Variants in HDGF observed in about 807,000 individuals in gnomAD.
HDGF encodes the protein heparin binding growth factor, also known as hepatoma-derived growth factor.
Under a neutral mutation model 30.0 loss-of-function variants are expected in HDGF, and 5 were observed. The ratio of observed to expected loss-of-function variants is 0.17; its 90% confidence interval spans 0.09 to 0.35. The LOEUF is 0.35. HDGF is among the 10% of genes least tolerant of loss of function. HDGF has a pLI of 1.00. For synonymous variants in HDGF, 133 were observed against 112.7 expected (o/e 1.18, Z -1.14); for missense variants, 214 against 302.8 (o/e 0.71, Z 2.18).
At chr1:156,754,394 C>G (rs764308238), upstream of HDGF, among the ~76,000 whole-genome samples, 2 of 152,212 alleles carry the variant, frequency 1.3e-5, no homozygotes, top group African/African-American at 4.8e-5. Context: ...CATGCAGATG[C>G]TGGTTGCAAT....
upstream of HDGF, among the ~76,000 whole-genome samples, chr1:156,757,245 A>G (rs888211273): frequency 8.8e-5 from 13 of 148,334 alleles, no homozygotes; most frequent in African/African-American, 3.0e-4. Flanking sequence ...GTAGGCGATC[A>G]TGAGGTCAGA....
At position 156,743,704 on chromosome 1, in the gene HDGF, C is replaced by T; in HGVS notation, c.664G>A (p.Glu222Lys). 1.2e-6 allele frequency: 2 copies of T among 1,609,516 alleles called. No individual in the cohort carries two copies. Among genetic ancestry groups the T allele is most frequent in the South Asian group, 1.1e-5 (1 of 90,480 alleles). Reference protein sequence around the residue: ...QEEEEEEDEEEEATKEDAEAP... With the variant: ...QEEEEEEDEEKEATKEDAEAP... ...TCAGCATCTTCCTTGGTAGCCTCTTCCTCTTCATCCTCCTCCTCTTCTTCC... is the reference window on the plus strand; with the variant it reads ...TCAGCATCTTCCTTGGTAGCCTCTTTCTCTTCATCCTCCTCCTCTTCTTCC... The change falls in exon 5 of 6, where the codon GAA (glutamate) becomes AAA (lysine). Residue 222 changes from glutamate to lysine, a missense_variant. By Grantham distance (56) the Glu-to-Lys change is moderately conservative. This residue lies in a region of HDGF where 176 missense variants were observed against 211.7 expected (regional missense o/e 0.83). Coordinates refer to ENST00000357325, the MANE Select transcript of HDGF (RefSeq NM_004494.3).
intron 1 of HDGF, among the ~76,000 whole-genome samples, chr1:156,765,154 G>A (rs756551594): frequency 1.3e-5 from 2 of 148,590 alleles, no homozygotes; most frequent in Non-Finnish European, 3.0e-5. Context: ...GTGCAATGGC[G>A]TGATCTTGGC....
intron 1 of HDGF, among the ~76,000 whole-genome samples, chr1:156,759,472 C>G (rs1651207429): frequency 2.7e-5 from 4 of 150,938 alleles, no homozygotes; most frequent in Non-Finnish European, 1.5e-5. Flanking sequence ...CCATCTCATA[C>G]CCCATTCTTT....
At chr1:156,748,153 C>T (rs1327908912) in intron 1 of HDGF, among the ~76,000 whole-genome samples, 2 of 152,176 alleles carry the variant, frequency 1.3e-5, no homozygotes. Context: ...AGAGTATAGG[C>T]ACTTGTGGGG....
At chr1:156,757,667 A>G (rs940172629) in intron 2 of HDGF, among the ~76,000 whole-genome samples, 3 of 149,834 alleles carry the variant, frequency 2.0e-5, no homozygotes, top group Non-Finnish European at 4.5e-5. Context: ...GTTGAGCACA[A>G]CTGTAGTCCC....
upstream of HDGF, among the ~76,000 whole-genome samples, chr1:156,767,151 C>G (rs1052137921): frequency 1.3e-5 from 2 of 152,214 alleles, no homozygotes; most frequent in African/African-American, 4.8e-5. Flanking sequence ...CCCAGACTCC[C>G]TTTCGTTCCC....
At chr1:156,765,543 C>T (rs1280754582) in intron 1 of HDGF, among the ~76,000 whole-genome samples, 1 of 119,962 alleles carries the variant, frequency 8.3e-6, no homozygotes, top group African/African-American at 3.2e-5. Flanking sequence ...GGCGTGATCT[C>T]GGCTTACTGC....
chr1:156,743,256 G>C lies in HDGF; in HGVS notation c.*193C>G, dbSNP rs1183536376. 1 of 568,068 alleles carries C rather than the reference G, an allele frequency of 1.8e-6. No individual in the cohort carries two copies. Among genetic ancestry groups the C allele is most frequent in the African/African-American group, 1.9e-5 (1 of 51,494 alleles). 35.2% of individuals were successfully genotyped at this position (568,068 alleles called of 1,614,324 possible). ...GATCATAGGAGTATGGGGACCTAGAGGTGAGAGCCAGGTGGCCTGCCCCAT... is the reference window on the plus strand; with the variant it reads ...GATCATAGGAGTATGGGGACCTAGACGTGAGAGCCAGGTGGCCTGCCCCAT... On this transcript the variant is annotated 3_prime_UTR_variant, in exon 6 of 6. Coordinates refer to ENST00000357325, the MANE Select transcript of HDGF (RefSeq NM_004494.3).
chr1:156,751,549 TG>T lies in HDGF; in HGVS notation c.-121del. On this transcript the variant is annotated 5_prime_UTR_variant, in exon 1 of 6. Coordinates refer to ENST00000357325, the MANE Select transcript of HDGF (RefSeq NM_004494.3). The surrounding 1 kb of genome is among the most constrained non-coding windows in gnomAD (Gnocchi z 4.7). ...CCTCGCGCGGCCCCCGCCTCGATGGTGGCCCCCGGCCCGAGCTCCGGCGCGG... is the reference window on the plus strand; with the variant it reads ...CCTCGCGCGGCCCCCGCCTCGATGGTGCCCCCGGCCCGAGCTCCGGCGCGG... The T allele has an allele frequency of 1.0e-6, 1 of 1,004,550 alleles. No individual in the cohort carries two copies. The highest frequency in any genetic ancestry group is 1.2e-6 in the Non-Finnish European group (1 of 842,078). 62.2% of individuals were successfully genotyped at this position (1,004,550 alleles called of 1,614,324 possible).
intron 1 of HDGF, among the ~76,000 whole-genome samples, chr1:156,763,491 G>A (rs1462610950): frequency 1.3e-5 from 2 of 152,026 alleles, no homozygotes; most frequent in Admixed American, 6.6e-5. Context: ...TGGGATTAGA[G>A]GTGTGAGCCA....
Position 156,742,448 on chromosome 1 carries a change from C to G in HDGF, c.*1001G>C, listed in dbSNP as rs554872714. 2 of 152,728 alleles carry G rather than the reference C, an allele frequency of 1.3e-5. No homozygotes were observed. The highest frequency in any genetic ancestry group is 1.3e-4 in the Admixed American group (2 of 15,286). 9.5% of individuals were successfully genotyped at this position (152,728 alleles called of 1,614,324 possible). A position where few individuals can be genotyped will look rare whatever the true frequency, so the allele number is the denominator to read the frequency against. On this transcript the variant is annotated 3_prime_UTR_variant, in exon 6 of 6. Transcript: ENST00000357325. ...AGCCCCAAATAGAAGGGGAGCCTCCCAGTGCACCTCAGAAATGGGGGCAAC... is the reference window on the plus strand; with the variant it reads ...AGCCCCAAATAGAAGGGGAGCCTCCGAGTGCACCTCAGAAATGGGGGCAAC...
At chr1:156,754,485 C>T (rs1421571101), upstream of HDGF, among the ~76,000 whole-genome samples, 4 of 152,192 alleles carry the variant, frequency 2.6e-5, no homozygotes, top group African/African-American at 9.7e-5. Flanking sequence ...CTTACAGTAA[C>T]GTCATCAACC....
At chr1:156,759,260 C>T (rs1405573725) in intron 1 of HDGF, 2 of 152,170 alleles carry the variant, frequency 1.3e-5, no homozygotes, top group Non-Finnish European at 2.9e-5. Context: ...AAAGTCATCT[C>T]CATGTTACCC....
chr1:156,759,430 T>C (rs1340571788), intron 1 of HDGF, among the ~76,000 whole-genome samples: 1 of 152,098 alleles, frequency 6.6e-6, no homozygotes, highest in Admixed American at 6.5e-5. Context: ...CTCAGCAATA[T>C]ATTTTGAGAC....
intron 1 of HDGF, chr1:156,750,587 C>T (rs1650895071): frequency 6.6e-6 from 1 of 152,262 alleles, no homozygotes; most frequent in African/African-American, 2.4e-5. Context: ...TCCCCTAACC[C>T]CTACTAAGAG....
At chr1:156,747,186 C>T (rs578175422) in intron 1 of HDGF, among the ~76,000 whole-genome samples, 2 of 146,802 alleles carry the variant, frequency 1.4e-5, no homozygotes, top group African/African-American at 5.0e-5. Flanking sequence ...GCCATGACAA[C>T]GCAACCCCGC....
Position 156,742,799 on chromosome 1 carries a change from T to C in HDGF, c.*650A>G, listed in dbSNP as rs1244044001. 6.5e-6 allele frequency: 1 copy of C among 154,738 alleles called. No individual in the cohort carries two copies. Among genetic ancestry groups the C allele is most frequent in the Non-Finnish European group, 1.5e-5 (1 of 68,194 alleles). 9.6% of individuals were successfully genotyped at this position (154,738 alleles called of 1,614,324 possible). A position where few individuals can be genotyped will look rare whatever the true frequency, so the allele number is the denominator to read the frequency against. On this transcript the variant is annotated 3_prime_UTR_variant, in exon 6 of 6. Transcript: ENST00000357325. The stretch of plus-strand genomic sequence containing the variant: ...TGGAAGCCCCAAATTCTCTTGATGA[T>C]TAACTACAACTCCCAAAACTCTTGG...
At chr1:156,746,377 A>C (rs1002799028) in intron 1 of HDGF, among the ~76,000 whole-genome samples, 3 of 152,188 alleles carry the variant, frequency 2.0e-5, no homozygotes, top group African/African-American at 7.2e-5. Context: ...GCTGAAGTGG[A>C]GGGGTGAGGT....
Sources: allele counts gnomAD v4.1 joint callset (sites outside exome capture counted in the v4.1 genomes callset), GRCh38; gene constraint gnomAD v4.1.1; regional missense constraint gnomAD v4.1.1; non-coding constraint Gnocchi (gnomAD v3.1); transcripts MANE v1.5; gene names NCBI Gene and HGNC (gene_info 2026-07-23, HGNC 2026-07-21).